PXN: variants seen among roughly 807,000 people sequenced by gnomAD.
The protein encoded by PXN is testicular tissue protein Li 134.
A neutral mutation model predicts 103.6 loss-of-function variants in PXN; 61 were observed. That is an observed-to-expected ratio of 0.59 (90% CI 0.48 to 0.73). The LOEUF (loss-of-function observed/expected upper bound fraction) is 0.73, where lower values mean the gene tolerates loss of function less well. Ranked by LOEUF, PXN falls within the 30% of genes least tolerant of loss-of-function variation. The pLI is 0.00. For synonymous variants in PXN, 562 were observed against 607.8 expected, an observed-to-expected ratio of 0.92 and a Z score of 1.11; for missense variants, 1,274 against 1,460.3, an observed-to-expected ratio of 0.87 and a Z score of 2.08.
intron 1 of PXN, chr12:120,250,206 C>T (rs1288094984): frequency 1.0e-6 from 1 of 982,344 alleles, no homozygotes; most frequent in Admixed American, 6.1e-5. Flanking sequence ...TGGACACTCC[C>T]ATTTCCACCT....
intron 1 of PXN, among the ~76,000 whole-genome samples, chr12:120,253,798 G>A (rs1238163608): frequency 6.6e-6 from 1 of 152,204 alleles, no homozygotes; most frequent in East Asian, 1.9e-4. Context: ...GGAAGGACGT[G>A]CTAAGTAAGA....
chr12:120,219,122 G>A lies in PXN; in HGVS notation c.1716+85C>T, dbSNP rs564549467. 6 of 1,334,762 alleles carry A rather than the reference G, an allele frequency of 4.5e-6. No individual in the cohort carries two copies. In the East Asian group the frequency reaches 1.5e-4, roughly 34 times the overall value. 82.7% of individuals were successfully genotyped at this position (1,334,762 alleles called of 1,614,324 possible). A position where few individuals can be genotyped will look rare whatever the true frequency, so the allele number is the denominator to read the frequency against. ...TGCCCAAGCAGACATGCGCAGAGTG[G>A]GAGGCTGCATGCAGTTAGCGAGGAG... On this transcript the variant is annotated intron_variant, in intron 7 of 14. Transcript: ENST00000637617. The surrounding 1 kb of genome is among the most constrained non-coding windows in gnomAD (Gnocchi z 6.5).
Position 120,224,815 on chromosome 12 carries a change from A to AAG in PXN, c.14-440_14-439dup, listed in dbSNP as rs963682189. The AAG allele has an allele frequency of 4.9e-5, 22 of 447,918 alleles. No individual in the cohort carries two copies. The highest frequency in any genetic ancestry group is 9.0e-5 in the Non-Finnish European group (20 of 221,872). The allele number at this position is 447,918 out of a possible 1,614,324, so 27.7% of individuals were successfully genotyped here. Reference sequence around the variant, plus strand: ...TATGCCAGGCCCTCACTTGATTTCTAAGAGCTTAGGCTTTCCCAGCCCCCG... The same window carrying AAG: ...TATGCCAGGCCCTCACTTGATTTCTAAGAGAGCTTAGGCTTTCCCAGCCCCCG... On this transcript the variant is annotated intron_variant, in intron 1 of 14. Coordinates refer to ENST00000637617, the MANE Select transcript of PXN (RefSeq NM_001385981.1). This position sits in a 1 kb window ranked among gnomAD's most constrained non-coding sequence, Gnocchi z 5.0.
rs1435325570 is a variant in PXN at position 120,217,749 on chromosome 12, T to G, written c.1717-633A>C. On this transcript the variant is annotated intron_variant, in intron 7 of 14. Coordinates refer to ENST00000637617, the MANE Select transcript of PXN (RefSeq NM_001385981.1). The surrounding 1 kb of genome is among the most constrained non-coding windows in gnomAD (Gnocchi z 4.1). ...CATGCACCACCACGCCTGGCTAATT[T>G]TTGTTGTTGTTGTTTTTTGTTTTTT... Among the ~76,000 whole-genome samples, 1 of 151,442 alleles carries G rather than the reference T, an allele frequency of 6.6e-6. No homozygotes were observed. The highest frequency in any genetic ancestry group is 2.4e-5 in the African/African-American group (1 of 41,220).
At chr12:120,239,451 G>A (rs375985141) in intron 1 of PXN, among the ~76,000 whole-genome samples, 21 of 152,276 alleles carry the variant, frequency 1.4e-4, no homozygotes, top group South Asian at 6.2e-4. Context: ...GCATGGTGGC[G>A]CATGCCTGTA....
Position 120,217,262 on chromosome 12 carries a change from G to A in PXN, c.1717-146C>T. On this transcript the variant is annotated intron_variant, in intron 7 of 14. Coordinates refer to ENST00000637617, the MANE Select transcript of PXN (RefSeq NM_001385981.1). The surrounding 1 kb of genome is among the most constrained non-coding windows in gnomAD (Gnocchi z 4.1). ...GGAGGTGGGTGGAGGCACGGGGAGGGGGCAGATTGGACCGGTGGAGGTGGG... is the reference window on the plus strand; with the variant it reads ...GGAGGTGGGTGGAGGCACGGGGAGGAGGCAGATTGGACCGGTGGAGGTGGG... 1.4e-6 allele frequency: 1 copy of A among 692,542 alleles called. No individual in the cohort carries two copies. Among genetic ancestry groups the A allele is most frequent in the East Asian group, 2.8e-5 (1 of 35,848 alleles). The allele number at this position is 692,542 out of a possible 1,614,324, so 42.9% of individuals were successfully genotyped here.
chr12:120,233,163 C>G (rs12581983), intron 1 of PXN, among the ~76,000 whole-genome samples: 26,968 of 152,194 alleles, frequency 0.18, 2,813 homozygotes, highest in East Asian at 0.56. Context: ...GCTTCCTGCA[C>G]ACACCATCGG....
In PXN at chr12:120,244,313, A is replaced by C. The variant is rs549961409; in HGVS notation, c.14-19936T>G. 3.3e-5 allele frequency among the ~76,000 whole-genome samples: 5 copies of C among 151,732 alleles called. No individual in the cohort carries two copies. In the South Asian group the frequency reaches 1.0e-3, roughly 32 times the overall value. The stretch of plus-strand genomic sequence containing the variant: ...TGGATCACAAGGTCAGGAGTTCAAG[A>C]CCAGCCTGGCCAAGATGGTGAAACC... On this transcript the variant is annotated intron_variant, in intron 1 of 14. Transcript: ENST00000637617.
Position 120,221,550 on chromosome 12 carries a change from C to A in PXN, c.831+73G>T, listed in dbSNP as rs1269817431. On this transcript the variant is annotated intron_variant, in intron 6 of 14. Coordinates refer to ENST00000637617, the MANE Select transcript of PXN (RefSeq NM_001385981.1). The surrounding 1 kb of genome is among the most constrained non-coding windows in gnomAD (Gnocchi z 6.6). ...ACTGAGATGCCAAGATCCAGCTACC[C>A]ACACTGAGGTAAGGGAGGAGAAGGA... is the stretch of plus-strand genomic sequence containing the variant. 5.4e-6 allele frequency: 8 copies of A among 1,468,318 alleles called. No homozygotes were observed. In the African/African-American group the frequency reaches 7.0e-5, roughly 13 times the overall value. 91.0% of individuals were successfully genotyped at this position (1,468,318 alleles called of 1,614,324 possible).
At chr12:120,237,399 T>C (rs1889298300) in intron 1 of PXN, among the ~76,000 whole-genome samples, 1 of 152,142 alleles carries the variant, frequency 6.6e-6, no homozygotes, top group African/African-American at 2.4e-5. Flanking sequence ...TGGCCATTGC[T>C]TTTATTTTGG....
At position 120,219,309 on chromosome 12, in the gene PXN, G is replaced by A; in HGVS notation, c.1614C>T (p.Thr538=). 2 of 1,598,414 alleles carry A rather than the reference G, an allele frequency of 1.3e-6. No individual in the cohort carries two copies. Among genetic ancestry groups the A allele is most frequent in the Non-Finnish European group, 1.7e-6 (2 of 1,179,794 alleles). ...GPETPRSPEG[T]TEAATQDGKE... Reference sequence around the variant, plus strand: ...TCCCGTCCTGGGTGGCAGCTTCCGTGGTGCCCTCTGGGCTCCTTGGGGTTT... The same window carrying A: ...TCCCGTCCTGGGTGGCAGCTTCCGTAGTGCCCTCTGGGCTCCTTGGGGTTT... The change falls in exon 7 of 15, where the codon ACC becomes ACT. Residue 538 remains threonine, a synonymous_variant. Coordinates refer to ENST00000637617, the MANE Select transcript of PXN (RefSeq NM_001385981.1). This position sits in a 1 kb window ranked among gnomAD's most constrained non-coding sequence, Gnocchi z 6.5.
chr12:120,240,090 T>C (rs1461109886), intron 1 of PXN, among the ~76,000 whole-genome samples: 2 of 152,090 alleles, frequency 1.3e-5, no homozygotes. Context: ...TTGAGCTCAG[T>C]TCCCTCATCT....
intron 1 of PXN, among the ~76,000 whole-genome samples, chr12:120,244,544 A>G (rs1028684228): frequency 5.9e-5 from 9 of 151,652 alleles, no homozygotes; most frequent in Non-Finnish European, 1.3e-4. Flanking sequence ...GCTACTCGGG[A>G]GGCTGAGGCA....
rs1459439746 is a variant in PXN at position 120,225,619 on chromosome 12, T to C, written c.14-1242A>G. ...ATAACAAAGCCAGTGAGTGGCACAA[T>C]TGTCTGACTCCTCAGAAGCCCCAAA... On this transcript the variant is annotated intron_variant, in intron 1 of 14. Coordinates refer to ENST00000637617, the MANE Select transcript of PXN (RefSeq NM_001385981.1). This position sits in a 1 kb window ranked among gnomAD's most constrained non-coding sequence, Gnocchi z 4.4. Among the ~76,000 whole-genome samples the C allele has an allele frequency of 1.3e-5, 2 of 152,036 alleles. No individual in the cohort carries two copies. The highest frequency in any genetic ancestry group is 2.9e-5 in the Non-Finnish European group (2 of 67,998).
chr12:120,219,722 G>A lies in PXN; in HGVS notation c.1201C>T (p.His401Tyr). ...TSELSGAPRC[H>Y]TVPCAGSTAL... ...GTGCTCCCAGCACAGGGTACAGTGTGGCAGCGGGGAGCCCCAGAGAGCTCA... is the reference window on the plus strand; with the variant it reads ...GTGCTCCCAGCACAGGGTACAGTGTAGCAGCGGGGAGCCCCAGAGAGCTCA... Residue 401 changes from histidine to tyrosine, a missense_variant, in exon 7 of 15, where the codon CAC (histidine) becomes TAC (tyrosine). By Grantham distance (83) the His-to-Tyr change is moderately conservative. Coordinates refer to ENST00000637617, the MANE Select transcript of PXN (RefSeq NM_001385981.1). This position sits in a 1 kb window ranked among gnomAD's most constrained non-coding sequence, Gnocchi z 6.5. 5 of 1,595,674 alleles carry A rather than the reference G, an allele frequency of 3.1e-6. No homozygotes were observed. Among genetic ancestry groups the A allele is most frequent in the Admixed American group, 1.7e-5 (1 of 59,594 alleles).
At chr12:120,254,012 CTGA>C (rs1365061809) in intron 1 of PXN, among the ~76,000 whole-genome samples, 2 of 152,160 alleles carry the variant, frequency 1.3e-5, no homozygotes, top group African/African-American at 2.4e-5. Flanking sequence ...TCCCAAGTGG[CTGA>C]GACTACAGGC....
Position 120,224,557 on chromosome 12 carries a change from G to A in PXN, c.14-180C>T, listed in dbSNP as rs1184509620. 10 of 710,644 alleles carry A rather than the reference G, an allele frequency of 1.4e-5. No individual in the cohort carries two copies. Among genetic ancestry groups the A allele is most frequent in the Admixed American group, 9.9e-5 (5 of 50,694 alleles). The allele number at this position is 710,644 out of a possible 1,614,324, so 44.0% of individuals were successfully genotyped here. A position where few individuals can be genotyped will look rare whatever the true frequency, so the allele number is the denominator to read the frequency against. On this transcript the variant is annotated intron_variant, in intron 1 of 14. Coordinates refer to ENST00000637617, the MANE Select transcript of PXN (RefSeq NM_001385981.1). This position sits in a 1 kb window ranked among gnomAD's most constrained non-coding sequence, Gnocchi z 5.0. ...GCCCCGACCAGCCTAACCAAGAGCC[G>A]GCTCCCAAAGCTAACTTCTTCTGGC...
Position 120,219,797 on chromosome 12 carries a change from C to T in PXN, c.1126G>A (p.Gly376Ser), listed in dbSNP as rs752142931. ...PSVEGSLWAVGTESQGRDWRH... is the reference protein window; with the variant it reads ...PSVEGSLWAVSTESQGRDWRH... ...CAATCTCGACCCTGACTCTCTGTGC[C>T]CACTGCCCACAGAGAACCCTCCACA... Residue 376 changes from glycine to serine, a missense_variant, in exon 7 of 15, where the codon GGC becomes AGC. Coordinates refer to ENST00000637617, the MANE Select transcript of PXN (RefSeq NM_001385981.1). The surrounding 1 kb of genome is among the most constrained non-coding windows in gnomAD (Gnocchi z 6.5). 6.3e-7 allele frequency: 1 copy of T among 1,598,332 alleles called. No individual in the cohort carries two copies. The highest frequency in any genetic ancestry group is 1.1e-5 in the South Asian group (1 of 91,066).
chr12:120,259,630 G>A (rs1006681546), intron 1 of PXN, among the ~76,000 whole-genome samples: 8 of 152,148 alleles, frequency 5.3e-5, no homozygotes, highest in African/African-American at 1.9e-4. Context: ...AGGCCTCCCT[G>A]GAGAGGCCAG....
Sources: gnomAD v4.1 joint callset for allele counts (sites outside exome capture counted in the v4.1 genomes callset) on GRCh38, gnomAD v4.1.1 for gene constraint, Gnocchi (gnomAD v3.1) non-coding constraint, MANE v1.5 for transcripts, NCBI Gene and HGNC (gene_info 2026-07-23, HGNC 2026-07-21) for gene names.